The following SHOC2 variants were observed in gnomAD, a reference collection of about 807,000 sequenced individuals.
SHOC2 encodes SHOC2 leucine rich repeat scaffold protein.
A neutral mutation model predicts 50.2 loss-of-function variants in SHOC2; 4 were observed. The ratio of observed to expected loss-of-function variants is 0.08; its 90% CI spans 0.04 to 0.18. The LOEUF is 0.18. Among genes scored for constraint, SHOC2 ranks in the 10% least tolerant of loss-of-function variants. The pLI is 1.00. For synonymous variants in SHOC2, 218 were observed against 244.5 expected (o/e 0.89, Z 1.01); for missense variants, 388 against 669.6 (o/e 0.58, Z 4.64).
intron 1 of SHOC2, among the ~76,000 whole-genome samples, chr10:110,947,205 C>CT (rs1847261724): frequency 6.6e-6 from 1 of 152,194 alleles, no homozygotes; most frequent in Non-Finnish European, 1.5e-5. Context: ...CTAGAACCAC[C>CT]TCAGTGAACC....
At chr10:111,009,421 T>G (rs758243306) in intron 7 of SHOC2, 36 bp downstream of exon 7, 3 of 1,545,730 alleles carry the variant, frequency 1.9e-6, no homozygotes, top group Admixed American at 3.4e-5. Context: ...TTTATAAAGT[T>G]TTTGGAATCT....
chr10:110,990,748 CA>C (rs549711905), intron 3 of SHOC2, among the ~76,000 whole-genome samples: 1 of 148,854 alleles, frequency 6.7e-6, no homozygotes, highest in Non-Finnish European at 1.5e-5. Flanking sequence ...TGCTACTGCT[CA>C]AAAAAAACAA....
intron 1 of SHOC2, among the ~76,000 whole-genome samples, chr10:110,939,270 G>GT (rs1170149138): frequency 1.3e-5 from 2 of 151,972 alleles, no homozygotes; most frequent in Non-Finnish European, 2.9e-5. Context: ...CCAGGGTGGA[G>GT]TGCAGTGGCA....
intron 1 of SHOC2, among the ~76,000 whole-genome samples, chr10:110,921,675 T>C (rs116257644): frequency 1.6e-3 from 248 of 152,320 alleles, no homozygotes; most frequent in African/African-American, 5.8e-3. Context: ...CCCTTTGTGA[T>C]ACAAATATCC....
intron 1 of SHOC2, among the ~76,000 whole-genome samples, chr10:110,921,455 A>G (rs1325867788): frequency 6.6e-6 from 1 of 152,230 alleles, no homozygotes; most frequent in Non-Finnish European, 1.5e-5. Context: ...GCCAACATAT[A>G]AAACAATATT....
At chr10:110,936,276 T>G (rs915405332) in intron 1 of SHOC2, among the ~76,000 whole-genome samples, 2 of 151,828 alleles carry the variant, frequency 1.3e-5, no homozygotes, top group Non-Finnish European at 2.9e-5. Flanking sequence ...TTTGTATTTT[T>G]TTTTTTTAGT....
chr10:110,933,698 TGA>T (rs1036431854), intron 1 of SHOC2, among the ~76,000 whole-genome samples: 1 of 152,160 alleles, frequency 6.6e-6, no homozygotes, highest in African/African-American at 2.4e-5. Context: ...CTCTGGAGGC[TGA>T]GGTGGGAGGA....
intron 3 of SHOC2, among the ~76,000 whole-genome samples, chr10:110,990,548 T>C (rs1848164238): frequency 6.6e-6 from 1 of 151,996 alleles, no homozygotes; most frequent in African/African-American, 2.4e-5. Flanking sequence ...CCTTTGTATC[T>C]AGCTCAGGGA....
At chr10:110,961,354 C>G (rs1324113441) in intron 1 of SHOC2, among the ~76,000 whole-genome samples, 4 of 152,130 alleles carry the variant, frequency 2.6e-5, no homozygotes, top group African/African-American at 7.2e-5. Context: ...AATATGTTTT[C>G]TTATCTAAAA....
chr10:110,969,422 G>A (rs929435718), intron 2 of SHOC2, among the ~76,000 whole-genome samples: 2 of 152,212 alleles, frequency 1.3e-5, no homozygotes, highest in Admixed American at 6.5e-5. Context: ...TATATTCTCT[G>A]TTTATGAGTG....
In SHOC2 at chr10:110,944,978, T is replaced by A. The variant is rs768841006; in HGVS notation, c.-234-19147T>A. ...CAGAGCTTCAAAGCTTAGGCCCTTTTCAGGTCTTCCTTGAGCATGTACACA... is the reference window on the plus strand; with the variant it reads ...CAGAGCTTCAAAGCTTAGGCCCTTTACAGGTCTTCCTTGAGCATGTACACA... On this transcript the variant is annotated intron_variant, in intron 1 of 8. Coordinates refer to ENST00000369452, the MANE Select transcript of SHOC2 (RefSeq NM_007373.4). Among the ~76,000 whole-genome samples the A allele has an allele frequency of 5.6e-4, 85 of 152,206 alleles. 1 individual carries two copies. The highest frequency in any genetic ancestry group is 1.0e-3 in the Non-Finnish European group (69 of 68,030).
chr10:110,920,851 G>C (rs1846628106), intron 1 of SHOC2, among the ~76,000 whole-genome samples: 1 of 152,194 alleles, frequency 6.6e-6, no homozygotes, highest in Non-Finnish European at 1.5e-5. Context: ...ATAACTACCA[G>C]CAGTGTCTAG....
At chr10:110,956,379 A>AT (rs952851839) in intron 1 of SHOC2, among the ~76,000 whole-genome samples, 52 of 151,806 alleles carry the variant, frequency 3.4e-4, no homozygotes, top group Admixed American at 1.6e-3. Flanking sequence ...CACCTGGGTA[A>AT]TTTTTTTTGG....
intron 1 of SHOC2, among the ~76,000 whole-genome samples, chr10:110,955,537 G>A (rs1316451639): frequency 1.3e-5 from 2 of 152,108 alleles, no homozygotes; most frequent in African/African-American, 4.8e-5. Flanking sequence ...CATTTATTGA[G>A]GTCTCTGTAT....
chr10:111,004,424 C>T lies in SHOC2; in HGVS notation c.973-182C>T, dbSNP rs529293377. On this transcript the variant is annotated intron_variant, in intron 4 of 8. Transcript: ENST00000369452. ...ATTGGTTCCACATTTCTGCAAGGCA[C>T]CAAACTGCTAGAACTGTGTAGTGAC... 9.2e-5 allele frequency among the ~76,000 whole-genome samples: 14 copies of T among 152,284 alleles called. No individual in the cohort carries two copies. The East Asian group carries it at 2.7e-3, about 29-fold the overall frequency.
chr10:110,995,611 T>C (rs1199485149), intron 3 of SHOC2, among the ~76,000 whole-genome samples: 2 of 152,244 alleles, frequency 1.3e-5, no homozygotes, highest in East Asian at 3.8e-4. Flanking sequence ...TGTGACAAGT[T>C]ACTTCACAAA....
At chr10:110,975,132 A>G (rs2134134615) in intron 2 of SHOC2, among the ~76,000 whole-genome samples, 1 of 150,378 alleles carries the variant, frequency 6.6e-6, no homozygotes, top group East Asian at 2.0e-4. Context: ...ACTAACGTCC[A>G]TTTTCTGTTC....
chr10:110,935,889 G>A (rs1246449409), intron 1 of SHOC2, among the ~76,000 whole-genome samples: 2 of 152,066 alleles, frequency 1.3e-5, no homozygotes, highest in Admixed American at 6.6e-5. Flanking sequence ...TATAGCCATA[G>A]CCATAGTTTT....
chr10:110,975,676 C>T (rs910721641), intron 2 of SHOC2, among the ~76,000 whole-genome samples: 11 of 152,054 alleles, frequency 7.2e-5, no homozygotes, highest in Admixed American at 2.6e-4. Context: ...TTGCCTTTTC[C>T]AGTGAATTAT....
Sources: gnomAD v4.1 joint callset for allele counts (sites outside exome capture counted in the v4.1 genomes callset) on GRCh38, gnomAD v4.1.1 for gene constraint, MANE v1.5 for transcripts, NCBI Gene and HGNC (gene_info 2026-07-23, HGNC 2026-07-21) for gene names.